Variants in AGBL4 observed in about 807,000 individuals in gnomAD.
AGBL4 encodes cytosolic carboxypeptidase 6.
In AGBL4, 58 loss-of-function variants were observed where a neutral mutation model predicts 66.4. The ratio of observed to expected loss-of-function variants is 0.87; its 90% CI spans 0.71 to 1.09. The LOEUF (loss-of-function observed/expected upper bound fraction) is 1.09, where lower values mean the gene tolerates loss of function less well. Ranked by LOEUF, AGBL4 falls within the 50% of genes least tolerant of loss-of-function variation. The pLI, the probability that AGBL4 is intolerant of heterozygous loss-of-function variation, is 0.00. For missense variants in AGBL4, 579 were observed against 631.0 expected (o/e 0.92, Z 0.88); for synonymous variants, 234 against 222.9 (o/e 1.05, Z -0.44).
chr1:49,733,799 C>T (rs750343429), intron 2 of AGBL4, among the ~76,000 whole-genome samples: 2 of 152,064 alleles, frequency 1.3e-5, no homozygotes, highest in African/African-American at 2.4e-5. Flanking sequence ...CCTTTTTACT[C>T]TACAACCAAA....
intron 8 of AGBL4, among the ~76,000 whole-genome samples, chr1:48,635,050 C>G (rs1162766247): frequency 6.6e-6 from 1 of 152,208 alleles, no homozygotes; most frequent in African/African-American, 2.4e-5. Flanking sequence ...CTTTTTACCA[C>G]TTCCTCTGGT....
chr1:49,282,561 C>T (rs898849397), intron 3 of AGBL4, among the ~76,000 whole-genome samples: 2 of 152,182 alleles, frequency 1.3e-5, no homozygotes, highest in East Asian at 3.9e-4. Context: ...CAGCTCCCAG[C>T]GTGAGCGACG....
In AGBL4 at chr1:49,040,567, G is replaced by A. The variant is rs192452172; in HGVS notation, c.594+5017C>T. 3.7e-3 allele frequency among the ~76,000 whole-genome samples: 563 copies of A among 152,110 alleles called. 3 individuals carry two copies. The highest frequency in any genetic ancestry group is 0.01 in the South Asian group (50 of 4,814). On this transcript the variant is annotated intron_variant, in intron 5 of 13. Coordinates refer to ENST00000371839, the MANE Select transcript of AGBL4 (RefSeq NM_032785.4). The stretch of plus-strand genomic sequence containing the variant: ...AATCCATCCAAATGTCCTTGAACTG[G>A]AGAATAGGTAAACAAAATGTGGTAT...
intron 4 of AGBL4, among the ~76,000 whole-genome samples, chr1:49,219,966 G>T (rs987502170): frequency 4.6e-5 from 7 of 150,556 alleles, no homozygotes; most frequent in African/African-American, 1.7e-4. Flanking sequence ...TTTAGTTTTT[G>T]TTTTTTTTTC....
At chr1:48,583,804 A>G (rs1240293834) in intron 11 of AGBL4, 1 of 152,040 alleles carries the variant, frequency 6.6e-6, no homozygotes, top group African/African-American at 2.4e-5. Flanking sequence ...AGCAGCCAAC[A>G]AAGATCACAA....
intron 2 of AGBL4, among the ~76,000 whole-genome samples, chr1:49,783,051 C>T (rs1030578080): frequency 2.0e-5 from 3 of 151,792 alleles, no homozygotes; most frequent in African/African-American, 7.3e-5. Flanking sequence ...GAAGGCACCA[C>T]ATATGGGCCC....
At chr1:48,638,686 G>T (rs1180383873) in intron 8 of AGBL4, among the ~76,000 whole-genome samples, 4 of 152,226 alleles carry the variant, frequency 2.6e-5, no homozygotes, top group Non-Finnish European at 5.9e-5. Context: ...AGGACAAGAT[G>T]TAATTGTTGA....
intron 3 of AGBL4, among the ~76,000 whole-genome samples, chr1:49,402,949 G>A (rs748645564): frequency 6.6e-6 from 1 of 152,126 alleles, no homozygotes; most frequent in Non-Finnish European, 1.5e-5. Flanking sequence ...CTGAGGAAAC[G>A]AATGTGTATT....
At chr1:48,667,887 G>C (rs914182903) in intron 6 of AGBL4, among the ~76,000 whole-genome samples, 1 of 152,168 alleles carries the variant, frequency 6.6e-6, no homozygotes, top group South Asian at 2.1e-4. Flanking sequence ...CATATTGTCA[G>C]TTTTGTTTCC....
intron 6 of AGBL4, among the ~76,000 whole-genome samples, chr1:48,845,706 G>A (rs955650481): frequency 1.3e-5 from 2 of 152,162 alleles, no homozygotes; most frequent in African/African-American, 4.8e-5. Context: ...GCATCTATAT[G>A]CCAGTAGAGT....
chr1:49,207,473 TCTTTCTTTTTC>T (rs1648257362), intron 4 of AGBL4, among the ~76,000 whole-genome samples: 1 of 150,650 alleles, frequency 6.6e-6, no homozygotes, highest in African/African-American at 2.4e-5. Context: ...TCTTTCTCTT[TCTTTCTTTTTC>T]TTTCTTTCTT....
intron 1 of AGBL4, among the ~76,000 whole-genome samples, chr1:49,881,907 C>A (rs1347954430): frequency 6.6e-6 from 1 of 152,030 alleles, no homozygotes; most frequent in Non-Finnish European, 1.5e-5. Flanking sequence ...TCCCATTTGT[C>A]AATTTTGGCT....
chr1:48,621,047 G>A (rs962894512), intron 9 of AGBL4, among the ~76,000 whole-genome samples: 1 of 152,122 alleles, frequency 6.6e-6, no homozygotes, highest in African/African-American at 2.4e-5. Context: ...AGTGCTGGGA[G>A]GCCAAAGACT....
chr1:49,809,698 A>C (rs1283819791), intron 2 of AGBL4, among the ~76,000 whole-genome samples: 1 of 152,158 alleles, frequency 6.6e-6, no homozygotes, highest in Non-Finnish European at 1.5e-5. Context: ...ACTTCATATA[A>C]ATAATGCAAA....
chr1:49,403,590 A>T (rs1645133504), intron 3 of AGBL4, among the ~76,000 whole-genome samples: 1 of 152,180 alleles, frequency 6.6e-6, no homozygotes, highest in South Asian at 2.1e-4. Flanking sequence ...ATTTGTCCAC[A>T]GTGACTTATT....
intron 3 of AGBL4, among the ~76,000 whole-genome samples, chr1:49,369,867 A>G (rs1283095879): frequency 6.6e-6 from 1 of 151,946 alleles, no homozygotes; most frequent in Non-Finnish European, 1.5e-5. Flanking sequence ...AACTTTAGAT[A>G]AAGCTCACGA....
intron 6 of AGBL4, among the ~76,000 whole-genome samples, chr1:48,790,564 G>T (rs1378557693): frequency 6.6e-6 from 1 of 152,120 alleles, no homozygotes; most frequent in African/African-American, 2.4e-5. Flanking sequence ...TGATAAAACT[G>T]AGGCCAGAAG....
chr1:49,116,334 A>G (rs765247052), intron 4 of AGBL4, among the ~76,000 whole-genome samples: 1 of 152,146 alleles, frequency 6.6e-6, no homozygotes, highest in Non-Finnish European at 1.5e-5. Context: ...CTCGTCATTT[A>G]CATTACATAT....
chr1:49,260,219 T>C (rs2148358716), intron 3 of AGBL4, among the ~76,000 whole-genome samples: 1 of 151,690 alleles, frequency 6.6e-6, no homozygotes, highest in East Asian at 1.9e-4. Flanking sequence ...AGATCCAAAA[T>C]TGACACCCTA....
Sources: allele counts gnomAD v4.1 joint callset (sites outside exome capture counted in the v4.1 genomes callset), GRCh38; gene constraint gnomAD v4.1.1; transcripts MANE v1.5; gene names NCBI Gene and HGNC (gene_info 2026-07-23, HGNC 2026-07-21).